The following POMT1 variants were observed in gnomAD, a reference collection of about 807,000 sequenced individuals.
The protein encoded by POMT1 is protein O-mannosyltransferase 1.
POMT1 carries 85 observed loss-of-function variants against 101.6 expected under a neutral mutation model. The observed-to-expected ratio is 0.84, with a 90% CI of 0.70 to 1.00. The LOEUF is 1.00. Ranked by LOEUF, POMT1 falls within the 50% of genes least tolerant of loss-of-function variation. The pLI is 0.00. For synonymous variants in POMT1, 371 were observed against 383.0 expected (o/e 0.97, Z 0.37); for missense variants, 857 against 930.4 (o/e 0.92, Z 1.03).
chr9:131,510,293 G>A lies in POMT1; in HGVS notation c.733G>A (p.Val245Met), dbSNP rs1428704269. The A allele has an allele frequency of 1.2e-6, 2 of 1,614,118 alleles. No individual in the cohort carries two copies. Among genetic ancestry groups the A allele is most frequent in the Non-Finnish European group, 1.7e-6 (2 of 1,180,040 alleles). ...GTTCTGTCACTTGCTCGCCCGAGCAGTGGCTTTGCTGGTCATCCCGGTCGT... is the reference window on the plus strand; with the variant it reads ...GTTCTGTCACTTGCTCGCCCGAGCAATGGCTTTGCTGGTCATCCCGGTCGT... Reference protein sequence around the residue: ...CVFCHLLARAVALLVIPVVLY... With the variant: ...CVFCHLLARAMALLVIPVVLY... Residue 245 changes from valine (V) to methionine (M), a missense_variant, in exon 9 of 20, where the codon GTG becomes ATG. Physicochemically the swap from Val to Met is conservative, Grantham distance 21 (BLOSUM62 1). Coordinates refer to ENST00000402686, the MANE Select transcript of POMT1 (RefSeq NM_001077365.2).
At chr9:131,517,703 T>C (rs190952218) in intron 13 of POMT1, among the ~76,000 whole-genome samples, 1 of 152,234 alleles carries the variant, frequency 6.6e-6, no homozygotes, top group Non-Finnish European at 1.5e-5. Context: ...ACGTGAGTGC[T>C]GTGCCCCTTC....
Position 131,506,023 on chromosome 9 carries a change from T to C in POMT1, c.123-91T>C, listed in dbSNP as rs542311222. 7.4e-5 allele frequency: 115 copies of C among 1,556,496 alleles called. 1 individual carries two copies. In the East Asian group the frequency reaches 2.1e-3, roughly 28 times the overall value. On this transcript the variant is annotated intron_variant, in intron 2 of 19. Coordinates refer to ENST00000402686, the MANE Select transcript of POMT1 (RefSeq NM_001077365.2). Reference sequence around the variant, plus strand: ...TTTGCTGATCACTCACTCAAAGTCATTTGGAAACACATACACATTTATCCT... The same window carrying C: ...TTTGCTGATCACTCACTCAAAGTCACTTGGAAACACATACACATTTATCCT...
At chr9:131,511,826 G>A (rs574981709) in intron 10 of POMT1, 45 of 608,798 alleles carry the variant, frequency 7.4e-5, no homozygotes, top group Admixed American at 3.5e-4. Context: ...GGAGAAAGGC[G>A]TGTGGGCCCG....
At chr9:131,521,133 A>G (rs1949838423) in intron 17 of POMT1, 1 of 629,078 alleles carries the variant, frequency 1.6e-6, no homozygotes, top group Non-Finnish European at 2.8e-6. Context: ...ATGTGCCACC[A>G]CACCCGGCTG....
Position 131,523,198 on chromosome 9 carries a change from G to T in POMT1, c.*92G>T. 6.7e-7 allele frequency: 1 copy of T among 1,487,738 alleles called. No homozygotes were observed. Among genetic ancestry groups the T allele is most frequent in the Non-Finnish European group, 9.1e-7 (1 of 1,095,936 alleles). The allele number at this position is 1,487,738 out of a possible 1,614,324, so 92.2% of individuals were successfully genotyped here. ...ACGTAATGAGCAGGGTGGGCCCCAC[G>T]CTGGGAGGACACGGGCTGGGCTGAG... On this transcript the variant is annotated 3_prime_UTR_variant, in exon 20 of 20. Coordinates refer to ENST00000402686, the MANE Select transcript of POMT1 (RefSeq NM_001077365.2).
At chr9:131,514,645 G>A (rs1947895777) in intron 12 of POMT1, among the ~76,000 whole-genome samples, 1 of 152,200 alleles carries the variant, frequency 6.6e-6, no homozygotes, top group Non-Finnish European at 1.5e-5. Flanking sequence ...GTTACTGAGT[G>A]TGTGGATTAA....
rs763756415 is a variant in POMT1 at position 131,511,467 on chromosome 9, T to C, written c.986T>C (p.Ile329Thr). 1 of 1,614,180 alleles carries C rather than the reference T, an allele frequency of 6.2e-7. No individual in the cohort carries two copies. Among genetic ancestry groups the C allele is most frequent in the Non-Finnish European group, 8.5e-7 (1 of 1,179,998 alleles). The part of the protein sequence containing the change: ...LHSHQDTYPM[I>T]YENGRGSSHQ... ...TCCCACCAGGACACCTACCCCATGA[T>C]GTAAGGTGATGGTTTTACTTTGAAG... The change falls in exon 10 of 20, where the codon ATA (isoleucine) becomes ACA (threonine). Residue 329 changes from isoleucine (I) to threonine (T), a missense_variant and splice_region_variant. Coordinates refer to ENST00000402686, the MANE Select transcript of POMT1 (RefSeq NM_001077365.2).
Position 131,519,100 on chromosome 9 carries a change from C to T in POMT1, c.1486+143C>T. 1 of 1,327,076 alleles carries T rather than the reference C, an allele frequency of 7.5e-7. No homozygotes were observed. The highest frequency in any genetic ancestry group is 1.3e-5 in the South Asian group (1 of 79,920). The allele number at this position is 1,327,076 out of a possible 1,614,324, so 82.2% of individuals were successfully genotyped here. ...CGGTGGCAGGTCATCTCCCTCCCTG[C>T]ACCCTGCACTCAGCTGCTGCAGTAA... On this transcript the variant is annotated intron_variant, in intron 15 of 19. Transcript: ENST00000402686. This position sits in a 1 kb window ranked among gnomAD's most constrained non-coding sequence, Gnocchi z 4.3.
intron 4 of POMT1, among the ~76,000 whole-genome samples, chr9:131,506,993 G>A (rs1448864503): frequency 1.3e-5 from 2 of 151,920 alleles, no homozygotes; most frequent in African/African-American, 4.8e-5. Context: ...CGTGAACCCG[G>A]GAGGCGGAGC....
At chr9:131,507,230 G>T in intron 4 of POMT1, 138 bp from the exon 5 acceptor site, 33 of 1,303,192 alleles carry the variant, frequency 2.5e-5, no homozygotes, top group Non-Finnish European at 3.5e-5. Context: ...GCACTCTGCT[G>T]CTGATGGGGT....
rs1176084945 is a variant in POMT1, at chr9:131,518,487, A to G, written c.1315A>G (p.Ile439Val). The change falls in exon 14 of 20, where the codon ATC becomes GTC. Residue 439 changes from isoleucine (I) to valine (V), a missense_variant. Transcript: ENST00000402686. ...RGSDTDVWKTILSEVRFVHVN... is the reference protein window; with the variant it reads ...RGSDTDVWKTVLSEVRFVHVN... ...ATCTGACACAGACGTCTGGAAGACC[A>G]TCCTCTCAGAGGTCCGCTTTGTGCA... 1 of 1,613,976 alleles carries G rather than the reference A, an allele frequency of 6.2e-7. No individual in the cohort carries two copies. Among genetic ancestry groups the G allele is most frequent in the Non-Finnish European group, 8.5e-7 (1 of 1,179,990 alleles).
rs189509162 is a variant in POMT1 at position 131,512,697 on chromosome 9, C to T, written c.1083-542C>T. 8.5e-5 allele frequency among the ~76,000 whole-genome samples: 13 copies of T among 152,160 alleles called. No homozygotes were observed. In the East Asian group the frequency reaches 1.4e-3, roughly 16 times the overall value. ...TACGATCTCGGCTCACTGCAACCTC[C>T]GCTTCCCGGGTTCAAGTGATTCTCC... On this transcript the variant is annotated intron_variant, in intron 11 of 19. Transcript: ENST00000402686.
intron 6 of POMT1, 95 bp downstream of exon 6, chr9:131,509,117 T>C (rs1946515741): frequency 1.2e-6 from 1 of 867,546 alleles, no homozygotes; most frequent in African/African-American, 1.7e-5. Context: ...TTGTTTCGTT[T>C]TGTGAGACAG....
intron 12 of POMT1, among the ~76,000 whole-genome samples, chr9:131,515,045 G>A (rs1014176722): frequency 3.9e-5 from 6 of 152,248 alleles, no homozygotes; most frequent in African/African-American, 1.2e-4. Flanking sequence ...CCAGCTGGGC[G>A]CAGGGGCGGG....
intron 18 of POMT1, 118 bp from the exon 19 acceptor site, chr9:131,521,926 CAGG>C: frequency 1.3e-6 from 2 of 1,556,542 alleles, no homozygotes; most frequent in African/African-American, 2.7e-5. Flanking sequence ...CACCTGAGGC[CAGG>C]AGTTCAAAAC....
At position 131,507,727 on chromosome 9, in the gene POMT1, T is replaced by C. The variant is rs537681112; in HGVS notation, c.427+213T>C. Reference sequence around the variant, plus strand: ...CAGACTCTTATCAGCAGTCGGGGTATGGCAGTAGAAAACTGCCCAGATGCT... The same window carrying C: ...CAGACTCTTATCAGCAGTCGGGGTACGGCAGTAGAAAACTGCCCAGATGCT... On this transcript the variant is annotated intron_variant, in intron 5 of 19. Transcript: ENST00000402686. 2.6e-5 allele frequency among the ~76,000 whole-genome samples: 4 copies of C among 152,322 alleles called. No individual in the cohort carries two copies. In the East Asian group the frequency reaches 7.7e-4, roughly 29 times the overall value.
chr9:131,521,566 G>C (rs1324126464), intron 18 of POMT1, 94 bp downstream of exon 18: 3 of 1,438,616 alleles, frequency 2.1e-6, no homozygotes, highest in Non-Finnish European at 2.9e-6. Context: ...CTGGGCTTAA[G>C]CGATCCTCCT....
chr9:131,521,396 C>T lies in POMT1; in HGVS notation c.1749C>T (p.Leu583=), dbSNP rs755379319. The change falls in exon 18 of 20, where the codon CTC becomes CTT. Residue 583 remains leucine, a synonymous_variant. Transcript: ENST00000402686. ...TAGTGATCTGGGTTTCGGGCAGCCT[C>T]GCTCTGGCCATCTACGCCCTGCTGT... ...GNIVIWVSGS[L]ALAIYALLSL... 6.8e-6 allele frequency: 11 copies of T among 1,614,050 alleles called. No homozygotes were observed. Among genetic ancestry groups the T allele is most frequent in the South Asian group, 3.3e-5 (3 of 91,078 alleles).
Position 131,523,149 on chromosome 9 carries a change from A to G in POMT1, c.*43A>G. On this transcript the variant is annotated 3_prime_UTR_variant, in exon 20 of 20. Transcript: ENST00000402686. ...GAACACCCGTGCTGGGGTCGGGATG[A>G]GGTTGAAGGGTCTTGGTCAATGTAC... 6.3e-7 allele frequency: 1 copy of G among 1,593,426 alleles called. No individual in the cohort carries two copies. Among genetic ancestry groups the G allele is most frequent in the Non-Finnish European group, 8.5e-7 (1 of 1,172,696 alleles).
Sources: gnomAD v4.1 joint callset for allele counts (sites outside exome capture counted in the v4.1 genomes callset) on GRCh38, gnomAD v4.1.1 for gene constraint, Gnocchi (gnomAD v3.1) non-coding constraint, MANE v1.5 for transcripts, NCBI Gene and HGNC (gene_info 2026-07-23, HGNC 2026-07-21) for gene names.